The following CCSER1 variants were observed in gnomAD, a reference collection of about 807,000 sequenced individuals.
CCSER1 encodes the protein serine-rich coiled-coil domain-containing protein 1.
CCSER1 carries 41 observed loss-of-function variants against 82.0 expected under a neutral mutation model. The observed-to-expected ratio is 0.50, with a 90% CI of 0.39 to 0.65. The LOEUF is 0.65. CCSER1 is among the 30% of genes least tolerant of loss of function. CCSER1 has a pLI of 0.00. For missense variants in CCSER1, 1,119 were observed against 1,064.2 expected, an observed-to-expected ratio of 1.05 and a Z score of -0.72; for synonymous variants, 414 against 383.9, an observed-to-expected ratio of 1.08 and a Z score of -0.92.
intron 9 of CCSER1, among the ~76,000 whole-genome samples, chr4:90,953,593 C>A (rs1245313681): frequency 6.6e-6 from 1 of 151,322 alleles, no homozygotes. Context: ...TATAAATACA[C>A]CTATACATTC....
intron 4 of CCSER1, among the ~76,000 whole-genome samples, chr4:90,420,259 A>G (rs1165563494): frequency 5.3e-5 from 8 of 151,984 alleles, no homozygotes; most frequent in Admixed American, 5.2e-4. Context: ...GAACTTATTA[A>G]TTAAAATAGT....
At chr4:91,133,044 A>G (rs1728140586) in intron 10 of CCSER1, among the ~76,000 whole-genome samples, 1 of 152,178 alleles carries the variant, frequency 6.6e-6, no homozygotes, top group Admixed American at 6.6e-5. Context: ...AAGCTAAATG[A>G]CACATTTTTG....
intron 6 of CCSER1, among the ~76,000 whole-genome samples, chr4:90,704,469 G>A (rs13124257): frequency 1.3e-5 from 2 of 152,076 alleles, no homozygotes; most frequent in African/African-American, 2.4e-5. Context: ...TGCTCTTCTC[G>A]AGGAGTATCT....
chr4:91,393,177 G>A (rs2149351844), intron 10 of CCSER1, among the ~76,000 whole-genome samples: 1 of 152,050 alleles, frequency 6.6e-6, no homozygotes, highest in South Asian at 2.1e-4. Context: ...TCTCGGTACT[G>A]ATATTATTGG....
chr4:90,447,592 G>A (rs958851145), intron 4 of CCSER1, among the ~76,000 whole-genome samples: 1 of 152,154 alleles, frequency 6.6e-6, no homozygotes, highest in Non-Finnish European at 1.5e-5. Context: ...TATGTAAAGT[G>A]ACTAGTTATA....
intron 10 of CCSER1, among the ~76,000 whole-genome samples, chr4:91,214,403 A>G (rs191306611): frequency 1.3e-3 from 193 of 152,320 alleles, no homozygotes; most frequent in African/African-American, 4.5e-3. Context: ...CCTTTTGCCC[A>G]TAAAGAGACC....
At chr4:90,999,531 T>C (rs954212428) in intron 9 of CCSER1, among the ~76,000 whole-genome samples, 3 of 152,226 alleles carry the variant, frequency 2.0e-5, no homozygotes, top group African/African-American at 7.2e-5. Context: ...ATATCTTCTT[T>C]TGAGAAGTGT....
intron 10 of CCSER1, among the ~76,000 whole-genome samples, chr4:91,195,453 T>A (rs1332443413): frequency 6.6e-6 from 1 of 152,174 alleles, no homozygotes; most frequent in African/African-American, 2.4e-5. Flanking sequence ...GCTAACTTAA[T>A]GGGAAATTTT....
chr4:91,456,566 GT>G (rs951814324), intron 10 of CCSER1, among the ~76,000 whole-genome samples: 1 of 151,612 alleles, frequency 6.6e-6, no homozygotes, highest in African/African-American at 2.4e-5. Flanking sequence ...CTTTTTTTAA[GT>G]TTTTTTCATG....
At chr4:91,408,132 TAAAG>T (rs1752810599) in intron 10 of CCSER1, among the ~76,000 whole-genome samples, 1 of 152,228 alleles carries the variant, frequency 6.6e-6, no homozygotes, top group African/African-American at 2.4e-5. Flanking sequence ...TGTATTAAGA[TAAAG>T]AGAGATGTTC....
At chr4:91,074,870 A>ATC (rs887283008) in intron 9 of CCSER1, among the ~76,000 whole-genome samples, 2 of 152,196 alleles carry the variant, frequency 1.3e-5, no homozygotes, top group Non-Finnish European at 2.9e-5. Context: ...TCACAACGAA[A>ATC]TCTCTGAAGT....
chr4:90,648,034 A>C (rs1727907835), intron 6 of CCSER1, among the ~76,000 whole-genome samples: 1 of 151,980 alleles, frequency 6.6e-6, no homozygotes, highest in African/African-American at 2.4e-5. Context: ...TCTTAAGGGA[A>C]CTTTTTTTCA....
chr4:90,422,863 G>T (rs942891978), intron 4 of CCSER1, among the ~76,000 whole-genome samples: 1 of 152,158 alleles, frequency 6.6e-6, no homozygotes, highest in Non-Finnish European at 1.5e-5. Context: ...TGTCCCAAGT[G>T]CAGTACACTC....
At chr4:90,518,882 T>C in intron 5 of CCSER1, among the ~76,000 whole-genome samples, 1 of 151,920 alleles carries the variant, frequency 6.6e-6, no homozygotes, top group East Asian at 1.9e-4. Context: ...TGTTTCTATT[T>C]ACACATTTCA....
intron 10 of CCSER1, among the ~76,000 whole-genome samples, chr4:91,090,484 A>T (rs370494784): frequency 2.6e-5 from 4 of 152,158 alleles, no homozygotes; most frequent in African/African-American, 9.7e-5. Flanking sequence ...TTTGTCCAAG[A>T]CACCTAAGCC....
intron 1 of CCSER1, among the ~76,000 whole-genome samples, chr4:90,284,134 C>T (rs1186216898): frequency 2.0e-5 from 3 of 151,970 alleles, no homozygotes; most frequent in Non-Finnish European, 2.9e-5. Flanking sequence ...TGAGAAATGT[C>T]TGTTCATTTG....
intron 7 of CCSER1, among the ~76,000 whole-genome samples, chr4:90,763,810 G>A (rs1750772288): frequency 6.6e-6 from 1 of 152,142 alleles, no homozygotes; most frequent in South Asian, 2.1e-4. Context: ...ACAAGCACTA[G>A]GTCTCCTTCA....
intron 1 of CCSER1, among the ~76,000 whole-genome samples, chr4:90,158,378 G>A (rs1012338612): frequency 5.9e-5 from 9 of 152,304 alleles, no homozygotes; most frequent in East Asian, 1.9e-4. Context: ...CTCCAGCTGC[G>A]TGCTGGGAGA....
At chr4:90,768,419 T>G (rs534388902) in intron 7 of CCSER1, among the ~76,000 whole-genome samples, 65 of 152,348 alleles carry the variant, frequency 4.3e-4, no homozygotes, top group African/African-American at 1.6e-3. Context: ...TAATTGAAAC[T>G]TATTCCATGC....
Sources: gnomAD v4.1 joint callset for allele counts (sites outside exome capture counted in the v4.1 genomes callset) on GRCh38, gnomAD v4.1.1 for gene constraint, MANE v1.5 for transcripts, NCBI Gene and HGNC (gene_info 2026-07-23, HGNC 2026-07-21) for gene names.